ADGRL3: variants seen among roughly 807,000 people sequenced by gnomAD.
ADGRL3 encodes the protein adhesion G protein-coupled receptor L3.
ADGRL3 carries 62 observed loss-of-function variants against 153.5 expected under a neutral mutation model. That is an observed-to-expected ratio of 0.40 (90% CI 0.33 to 0.50). ADGRL3 has a LOEUF of 0.50. Among genes scored for constraint, ADGRL3 ranks in the 20% least tolerant of loss-of-function variants. ADGRL3 has a pLI of 0.47. For synonymous variants in ADGRL3, 710 were observed against 672.5 expected (o/e 1.06, Z -0.86); for missense variants, 1,641 against 1,859.4 (o/e 0.88, Z 2.16).
chr4:61,252,598 G>A (rs1005826073), intron 1 of ADGRL3, among the ~76,000 whole-genome samples: 9 of 151,956 alleles, frequency 5.9e-5, no homozygotes, highest in African/African-American at 2.2e-4. Context: ...GGAAGTGAAA[G>A]CACAATAATA....
intron 21 of ADGRL3, among the ~76,000 whole-genome samples, chr4:62,021,027 G>T (rs549999920): frequency 6.6e-6 from 1 of 152,054 alleles, no homozygotes; most frequent in East Asian, 1.9e-4. Context: ...TCAACTCAGA[G>T]ACAGTGTCTC....
At chr4:61,579,704 C>T (rs1466266289) in intron 4 of ADGRL3, 2 of 411,224 alleles carry the variant, frequency 4.9e-6, no homozygotes, top group African/African-American at 4.3e-5. Context: ...TATATTAAAA[C>T]ATCTGAATTT....
chr4:61,441,496 C>A (rs2097527836), intron 2 of ADGRL3, among the ~76,000 whole-genome samples: 1 of 141,832 alleles, frequency 7.1e-6, no homozygotes, highest in Non-Finnish European at 1.5e-5. Flanking sequence ...TCTCTTTTTT[C>A]TTTGTAACCT....
intron 1 of ADGRL3, among the ~76,000 whole-genome samples, chr4:61,340,482 A>G (rs1006891894): frequency 6.6e-6 from 1 of 152,056 alleles, no homozygotes; most frequent in Admixed American, 6.6e-5. Context: ...AGTACATACT[A>G]AATGCTTAAT....
At chr4:61,473,308 TA>T (rs1385580356) in intron 2 of ADGRL3, among the ~76,000 whole-genome samples, 4 of 151,810 alleles carry the variant, frequency 2.6e-5, no homozygotes, top group Non-Finnish European at 4.4e-5. Context: ...TAGAGGTTTT[TA>T]AAAAAAGCCC....
chr4:62,040,696 A>G (rs998375942), intron 24 of ADGRL3, among the ~76,000 whole-genome samples: 2 of 152,090 alleles, frequency 1.3e-5, no homozygotes, highest in African/African-American at 2.4e-5. Context: ...GTGATCTGGA[A>G]CTTTTATTCT....
At chr4:61,871,332 A>T (rs1175659896) in intron 9 of ADGRL3, among the ~76,000 whole-genome samples, 1 of 152,126 alleles carries the variant, frequency 6.6e-6, no homozygotes, top group Non-Finnish European at 1.5e-5. Context: ...TAGTTATAAT[A>T]GATAAAATGT....
At chr4:61,372,192 A>G (rs1447311623) in intron 1 of ADGRL3, among the ~76,000 whole-genome samples, 2 of 152,052 alleles carry the variant, frequency 1.3e-5, no homozygotes, top group Non-Finnish European at 2.9e-5. Flanking sequence ...CCCGTAGCTC[A>G]GAGTAATTTG....
chr4:61,274,310 C>A (rs747612857), intron 1 of ADGRL3, among the ~76,000 whole-genome samples: 7 of 152,154 alleles, frequency 4.6e-5, no homozygotes, highest in African/African-American at 7.2e-5. Flanking sequence ...ATGGGAGAGA[C>A]TGCCATCTCC....
chr4:61,746,763 C>T (rs2096667686), intron 8 of ADGRL3, among the ~76,000 whole-genome samples: 2 of 152,046 alleles, frequency 1.3e-5, no homozygotes, highest in African/African-American at 2.4e-5. Flanking sequence ...CAGGAAAGAT[C>T]CAAAATTGAC....
chr4:61,878,171 C>T (rs1464991440), intron 9 of ADGRL3, among the ~76,000 whole-genome samples: 1 of 152,138 alleles, frequency 6.6e-6, no homozygotes, highest in South Asian at 2.1e-4. Context: ...GTCCTAATCT[C>T]CCCTTCTTAT....
In ADGRL3 at chr4:61,423,468, A is replaced by C. The variant is rs576697151; in HGVS notation, c.-174+40279A>C. 2.0e-5 allele frequency among the ~76,000 whole-genome samples: 3 copies of C among 152,334 alleles called. No individual in the cohort carries two copies. The South Asian group carries it at 6.2e-4, about 32-fold the overall frequency. ...GAGTTTAACTTCAGAGCTATTGAAC[A>C]TTGTGTTAGATAATCTGGACTTTAT... On this transcript the variant is annotated intron_variant, in intron 2 of 26. Transcript: ENST00000683033.
intron 1 of ADGRL3, among the ~76,000 whole-genome samples, chr4:61,361,606 A>G (rs1180494953): frequency 6.6e-6 from 1 of 152,168 alleles, no homozygotes; most frequent in Non-Finnish European, 1.5e-5. Context: ...GATATTGTGA[A>G]GATTAGATGA....
intron 21 of ADGRL3, 61 bp from the exon 22 acceptor site, chr4:62,028,794 A>T (rs1720340607): frequency 7.1e-7 from 1 of 1,416,034 alleles, no homozygotes; most frequent in Non-Finnish European, 9.8e-7. Context: ...TTTCATATGA[A>T]ATTCTTTGTC....
At chr4:61,638,245 A>G (rs1014745633) in intron 5 of ADGRL3, among the ~76,000 whole-genome samples, 1 of 152,194 alleles carries the variant, frequency 6.6e-6, no homozygotes, top group Non-Finnish European at 1.5e-5. Flanking sequence ...AACAAAATGA[A>G]TGACTCTCAG....
chr4:61,406,186 T>G (rs908786379), intron 2 of ADGRL3, among the ~76,000 whole-genome samples: 1 of 145,918 alleles, frequency 6.9e-6, no homozygotes, highest in African/African-American at 2.5e-5. Flanking sequence ...AAACTGAGGA[T>G]AAAAAAAAAA....
chr4:61,957,870 C>A (rs964349731), intron 17 of ADGRL3, among the ~76,000 whole-genome samples: 2 of 151,752 alleles, frequency 1.3e-5, no homozygotes, highest in Non-Finnish European at 2.9e-5. Flanking sequence ...CATTTGTTTT[C>A]TTTTCTTCAT....
At chr4:62,014,575 C>T (rs1467152597) in intron 21 of ADGRL3, among the ~76,000 whole-genome samples, 1 of 152,140 alleles carries the variant, frequency 6.6e-6, no homozygotes, top group Non-Finnish European at 1.5e-5. Flanking sequence ...GAATCCCACT[C>T]ATTAGCAATA....
intron 2 of ADGRL3, among the ~76,000 whole-genome samples, chr4:61,433,356 C>CTTTT (rs77395683): frequency 0.24 from 24,308 of 101,728 alleles, 2,079 homozygotes; most frequent in Middle Eastern, 0.38. Flanking sequence ...CTGTGAATAG[C>CTTTT]TTTTTTTTTA....
Sources: allele counts gnomAD v4.1 joint callset (sites outside exome capture counted in the v4.1 genomes callset), GRCh38; gene constraint gnomAD v4.1.1; transcripts MANE v1.5; gene names NCBI Gene and HGNC (gene_info 2026-07-23, HGNC 2026-07-21).